FANK1: variants seen among roughly 807,000 people sequenced by gnomAD.
FANK1 encodes fibronectin type 3 and ankyrin repeat domains protein 1.
In FANK1, 44 loss-of-function variants were observed where a neutral mutation model predicts 45.3. That is an observed-to-expected ratio of 0.97 (90% CI 0.76 to 1.25). The LOEUF (loss-of-function observed/expected upper bound fraction) is 1.25, where lower values mean the gene tolerates loss of function less well. FANK1 is among the 50% of genes most tolerant of loss of function. FANK1 has a pLI of 0.00. For synonymous variants in FANK1, 149 were observed against 152.5 expected (o/e 0.98, Z 0.17); for missense variants, 391 against 424.4 (o/e 0.92, Z 0.69).
intron 1 of FANK1, among the ~76,000 whole-genome samples, chr10:125,946,357 T>TG (rs1948801256): frequency 6.7e-6 from 1 of 148,424 alleles, no homozygotes; most frequent in Non-Finnish European, 1.5e-5. Context: ...TTGAAAACTT[T>TG]GAAAAAAATT....
At chr10:125,975,409 G>A (rs1950795323) in intron 1 of FANK1, among the ~76,000 whole-genome samples, 1 of 152,188 alleles carries the variant, frequency 6.6e-6, no homozygotes, top group South Asian at 2.1e-4. Flanking sequence ...TTAGCTCTTT[G>A]TGGAATTGCC....
intron 4 of FANK1, among the ~76,000 whole-genome samples, 180 bp from the exon 5 acceptor site, chr10:125,996,370 G>C (rs1952327739): frequency 1.3e-5 from 2 of 152,172 alleles, no homozygotes; most frequent in Non-Finnish European, 2.9e-5. Flanking sequence ...AGAATATTAG[G>C]TATATAGTTT....
At chr10:125,972,240 G>A (rs1913739) in intron 1 of FANK1, 149,827 of 152,364 alleles carry the variant, frequency 0.98, 73,682 homozygotes, top group East Asian at 1. Context: ...TCTCCTCAGT[G>A]ACGGCCTGTG....
At chr10:125,937,665 A>T (rs1404484421) in intron 1 of FANK1, among the ~76,000 whole-genome samples, 1 of 152,220 alleles carries the variant, frequency 6.6e-6, no homozygotes, top group African/African-American at 2.4e-5. Flanking sequence ...TTTATATGAT[A>T]TATAAAATGA....
chr10:125,901,277 T>G (rs1313864114), intron 1 of FANK1, among the ~76,000 whole-genome samples: 6 of 152,154 alleles, frequency 3.9e-5, no homozygotes, highest in Non-Finnish European at 8.8e-5. Context: ...TTATCAACCC[T>G]CACCCCACCC....
intron 1 of FANK1, among the ~76,000 whole-genome samples, chr10:125,953,059 G>A (rs996358722): frequency 1.3e-5 from 2 of 152,182 alleles, no homozygotes; most frequent in African/African-American, 4.8e-5. Flanking sequence ...GCATTGGAAT[G>A]ACCTGAAAGT....
At position 125,988,561 on chromosome 10, in the gene FANK1, A is replaced by G. The variant is rs750910460; in HGVS notation, c.202A>G (p.Thr68Ala). 14 of 1,614,028 alleles carry G rather than the reference A, an allele frequency of 8.7e-6. No homozygotes were observed. The African/African-American group carries it at 1.6e-4, about 18-fold the overall frequency. ...TYGIIYTGYA[T>A]KHVVEGLEPR... Reference sequence around the variant, plus strand: ...TCTCCTCCTGTCTAGGGGATATGCAACGAAGCATGTTGTTGAAGGTCTGGA... The same window carrying G: ...TCTCCTCCTGTCTAGGGGATATGCAGCGAAGCATGTTGTTGAAGGTCTGGA... Residue 68 changes from threonine (T) to alanine (A), a missense_variant, in exon 3 of 11, where the codon ACG (threonine) becomes GCG (alanine). By Grantham distance (58) the Thr-to-Ala change is moderately conservative. Transcript: ENST00000368693.
intron 1 of FANK1, among the ~76,000 whole-genome samples, chr10:125,944,763 C>T (rs563157829): frequency 2.6e-5 from 4 of 152,332 alleles, no homozygotes; most frequent in South Asian, 4.1e-4. Flanking sequence ...TCCTTTAATT[C>T]GGCCCATCCC....
At chr10:125,996,139 G>A (rs1297708936) in intron 4 of FANK1, among the ~76,000 whole-genome samples, 1 of 152,218 alleles carries the variant, frequency 6.6e-6, no homozygotes, top group Non-Finnish European at 1.5e-5. Flanking sequence ...CTACCCAGTA[G>A]GTGAGATGGG....
At chr10:125,964,756 C>T (rs113676406) in intron 1 of FANK1, among the ~76,000 whole-genome samples, 2,716 of 152,264 alleles carry the variant, frequency 0.018, 84 homozygotes, top group African/African-American at 0.062. Flanking sequence ...AGTGGAATTG[C>T]AGGATGATAG....
intron 6 of FANK1, chr10:126,004,445 A>G (rs1275212076): frequency 6.5e-6 from 1 of 154,642 alleles, no homozygotes; most frequent in Admixed American, 6.4e-5. Flanking sequence ...TGGAACCACC[A>G]CTACTATCTA....
chr10:125,950,128 A>G (rs1949102460), intron 1 of FANK1, among the ~76,000 whole-genome samples: 1 of 149,112 alleles, frequency 6.7e-6, no homozygotes, highest in Admixed American at 6.7e-5. Context: ...AGATGGATTA[A>G]AGACTTAAAC....
chr10:125,927,968 C>T (rs982572966), intron 1 of FANK1, among the ~76,000 whole-genome samples: 10 of 152,130 alleles, frequency 6.6e-5, no homozygotes, highest in African/African-American at 2.4e-4. Context: ...AAAAATTTTG[C>T]AGTGGCTATA....
chr10:125,897,998 C>CAAAAAAAAAAAAAAAAAAAAAAAAAAAA (rs373550249), intron 1 of FANK1, among the ~76,000 whole-genome samples: 1 of 16,792 alleles, frequency 6.0e-5, no homozygotes, highest in African/African-American at 2.4e-4. Context: ...TACTAAAATA[C>CAAAAAAAAAAAAAAAAAAAAAAAAAAAA]AAAAAAAAAA....
intron 6 of FANK1, among the ~76,000 whole-genome samples, chr10:126,000,166 C>T (rs2134224677): frequency 6.6e-6 from 1 of 152,272 alleles, no homozygotes; most frequent in Admixed American, 6.5e-5. Context: ...GCAAGATTGA[C>T]TATTATACAA....
At chr10:125,945,912 G>C (rs1008752787) in intron 1 of FANK1, among the ~76,000 whole-genome samples, 1 of 152,212 alleles carries the variant, frequency 6.6e-6, no homozygotes, top group African/African-American at 2.4e-5. Context: ...CTGAGAACCG[G>C]CAGACTGCCT....
At chr10:125,919,023 G>A (rs892534831) in intron 1 of FANK1, among the ~76,000 whole-genome samples, 2 of 151,932 alleles carry the variant, frequency 1.3e-5, no homozygotes, top group African/African-American at 4.8e-5. Flanking sequence ...TGAAATAGAA[G>A]TCATGAGAAT....
chr10:125,916,465 C>T (rs944811934), intron 1 of FANK1, among the ~76,000 whole-genome samples: 3 of 151,324 alleles, frequency 2.0e-5, no homozygotes, highest in Non-Finnish European at 4.4e-5. Context: ...TCTCTGTGGG[C>T]GTAGGATAAA....
At chr10:125,967,940 G>GAATTGTGT in intron 1 of FANK1, among the ~76,000 whole-genome samples, 1 of 152,240 alleles carries the variant, frequency 6.6e-6, no homozygotes, top group South Asian at 2.1e-4. Context: ...TTTTTTTAAA[G>GAATTGTGT]AATTGTGTAA....
Sources: allele counts gnomAD v4.1 joint callset (sites outside exome capture counted in the v4.1 genomes callset), GRCh38; gene constraint gnomAD v4.1.1; transcripts MANE v1.5; gene names NCBI Gene and HGNC (gene_info 2026-07-23, HGNC 2026-07-21).